The following COL6A3 variants were observed in gnomAD, a reference collection of about 807,000 sequenced individuals.
The protein encoded by COL6A3 is collagen type VI alpha 3 chain, also known as collagen alpha-3(VI) chain.
A neutral mutation model predicts 274.1 loss-of-function variants in COL6A3; 137 were observed. The ratio of observed to expected loss-of-function variants is 0.50; its 90% CI spans 0.44 to 0.58. The LOEUF (loss-of-function observed/expected upper bound fraction) is 0.58, where lower values mean the gene tolerates loss of function less well. COL6A3 is among the 20% of genes least tolerant of loss of function. The pLI is 0.00. For missense variants in COL6A3, 3,950 were observed against 4,124.9 expected (o/e 0.96, Z 1.16); for synonymous variants, 1,650 against 1,650.6 (o/e 1.00, Z 0.01).
intron 8 of COL6A3, among the ~76,000 whole-genome samples, chr2:237,372,929 A>T (rs2077731476): frequency 1.3e-5 from 2 of 152,198 alleles, no homozygotes. Flanking sequence ...GGAACTGCAG[A>T]TGGTGCCACT....
At chr2:237,400,211 T>G (rs2078555097) in intron 1 of COL6A3, among the ~76,000 whole-genome samples, 1 of 152,238 alleles carries the variant, frequency 6.6e-6, no homozygotes, top group Admixed American at 6.5e-5. Flanking sequence ...GTAAAGGCAT[T>G]CAGCATCAGT....
intron 1 of COL6A3, among the ~76,000 whole-genome samples, chr2:237,398,346 A>G (rs2078504534): frequency 6.6e-6 from 1 of 152,144 alleles, no homozygotes; most frequent in African/African-American, 2.4e-5. Context: ...GTTCACATTC[A>G]CTTCAGCTCA....
intron 1 of COL6A3, among the ~76,000 whole-genome samples, chr2:237,398,505 T>A (rs552293915): frequency 2.0e-5 from 3 of 152,096 alleles, no homozygotes; most frequent in Non-Finnish European, 2.9e-5. Context: ...AGAGCTAGGG[T>A]CTTTCTGTCT....
chr2:237,373,681 T>C (rs936241138), intron 8 of COL6A3, among the ~76,000 whole-genome samples: 2 of 152,048 alleles, frequency 1.3e-5, no homozygotes, highest in African/African-American at 4.8e-5. Context: ...CAAGGCCGCA[T>C]CTGCCTCCTT....
At position 237,337,560 on chromosome 2, in the gene COL6A3, T is replaced by C. The variant is rs113763442; in HGVS notation, c.8568-1028A>G. 3.7e-3 allele frequency among the ~76,000 whole-genome samples: 557 copies of C among 152,342 alleles called. 7 individuals carry two copies. Among genetic ancestry groups the C allele is most frequent in the African/African-American group, 0.013 (520 of 41,576 alleles). ...CTCTTTCCCCATCTTGAGAGTCAGC[T>C]AGTCGTAAGCCAGATAGTCATTTTT... is the stretch of plus-strand genomic sequence containing the variant. On this transcript the variant is annotated intron_variant, in intron 39 of 43. Transcript: ENST00000295550.
At chr2:237,346,466 C>T (rs754379137) in intron 32 of COL6A3, 37 bp downstream of exon 32, 1 of 1,596,750 alleles carries the variant, frequency 6.3e-7, no homozygotes, top group Non-Finnish European at 8.6e-7. Context: ...AAGCACCCAG[C>T]CCCAGGTGGC....
In COL6A3 at chr2:237,376,780, G is replaced by T; in HGVS notation, c.3062C>A (p.Pro1021Gln). The T allele has an allele frequency of 1.9e-6, 3 of 1,614,170 alleles. No homozygotes were observed. Among genetic ancestry groups the T allele is most frequent in the Non-Finnish European group, 2.5e-6 (3 of 1,180,012 alleles). The change falls in exon 7 of 44, where the codon CCA becomes CAA. Residue 1021 changes from proline (P) to glutamine (Q), a missense_variant. Physicochemically the swap from Pro to Gln is moderately conservative, Grantham distance 76. Transcript: ENST00000295550. ...NLLKSVHNGA[P>Q]APVSGEKDVV... ...GCATTTCTCTACCATACCTGGTGCTGGTGCTCCGTTGTGCACTGATTTTAA... is the reference window on the plus strand; with the variant it reads ...GCATTTCTCTACCATACCTGGTGCTTGTGCTCCGTTGTGCACTGATTTTAA...
Position 237,368,845 on chromosome 2 carries a change from C to A in COL6A3, c.4618G>T (p.Val1540Leu), listed in dbSNP as rs1408592071. Reference sequence around the variant, plus strand: ...AGGACCAGGACCAGGTGTTGGGGCACCCCGTCTTCTATGCGACTCCCCGCA... The same window carrying A: ...AGGACCAGGACCAGGTGTTGGGGCAACCCGTCTTCTATGCGACTCCCCGCA... Reference protein sequence around the residue: ...KSAGSRIEDGVPQHLVLVLGG... With the variant: ...KSAGSRIEDGLPQHLVLVLGG... Residue 1540 changes from valine (V) to leucine (L), a missense_variant, in exon 10 of 44, where the codon GTG becomes TTG. By Grantham distance (32) the Val-to-Leu change is conservative. Transcript: ENST00000295550. The surrounding 1 kb of genome is among the most constrained non-coding windows in gnomAD (Gnocchi z 4.4). 6.2e-7 allele frequency: 1 copy of A among 1,614,166 alleles called. No homozygotes were observed. Among genetic ancestry groups the A allele is most frequent in the South Asian group, 1.1e-5 (1 of 91,076 alleles).
chr2:237,397,268 A>G (rs557662655), intron 1 of COL6A3, among the ~76,000 whole-genome samples: 1 of 148,098 alleles, frequency 6.8e-6, no homozygotes, highest in East Asian at 2.0e-4. Context: ...GGAAGAAGTG[A>G]AAGAAGGGAA....
At chr2:237,339,610 T>C (rs1559198526) in intron 38 of COL6A3, among the ~76,000 whole-genome samples, 1 of 152,352 alleles carries the variant, frequency 6.6e-6, no homozygotes, top group East Asian at 1.9e-4. Context: ...TTCACAAATG[T>C]GAATACTGTT....
chr2:237,357,271 C>G, intron 23 of COL6A3, 67 bp downstream of exon 23: 1 of 1,356,542 alleles, frequency 7.4e-7, no homozygotes, highest in Non-Finnish European at 1.1e-6. Context: ...TGCACCAGGT[C>G]ATGTTGGGCA....
intron 16 of COL6A3, 21 bp from the exon 17 acceptor site, chr2:237,360,180 A>G: frequency 6.2e-7 from 1 of 1,613,666 alleles, no homozygotes; most frequent in Non-Finnish European, 8.5e-7. Flanking sequence ...AGACAAAGGC[A>G]TTTTGCAAGC....
chr2:237,343,994 G>A (rs2077046812), intron 36 of COL6A3: 13 of 377,454 alleles, frequency 3.4e-5, no homozygotes, highest in South Asian at 2.6e-4. Flanking sequence ...GGCCATCTTG[G>A]GAGGAGACAG....
intron 3 of COL6A3, among the ~76,000 whole-genome samples, chr2:237,393,983 A>G (rs1236293125): frequency 1.3e-5 from 2 of 152,216 alleles, no homozygotes; most frequent in Non-Finnish European, 2.9e-5. Context: ...GACCAGACCC[A>G]CAGCCCAAAT....
intron 1 of COL6A3, among the ~76,000 whole-genome samples, chr2:237,399,689 A>G (rs997852490): frequency 3.3e-5 from 5 of 152,222 alleles, no homozygotes; most frequent in African/African-American, 1.2e-4. Context: ...TTCCCCAAAC[A>G]CATTTCATGG....
chr2:237,358,625 C>T, intron 20 of COL6A3, 42 bp from the exon 21 acceptor site: 2 of 1,494,498 alleles, frequency 1.3e-6, no homozygotes, highest in Non-Finnish European at 1.9e-6. Flanking sequence ...CTAGATGTTT[C>T]CATTTTTATC....
rs376551239 is a variant in COL6A3 at position 237,374,737 on chromosome 2, G to A, written c.3354C>T (p.Asn1118=). Residue 1118 remains asparagine, a synonymous_variant, in exon 8 of 44, where the codon AAC becomes AAT. Coordinates refer to ENST00000295550, the MANE Select transcript of COL6A3 (RefSeq NM_004369.4). This position sits in a 1 kb window ranked among gnomAD's most constrained non-coding sequence, Gnocchi z 4.8. The part of the protein sequence containing the change: ...TGAALEFVLR[N]ILVSSAGSRI... The stretch of plus-strand genomic sequence containing the variant: ...TGCTTCCCGCAGAGCTGACCAGGAT[G>A]TTCCTCAGGACAAACTCCAGGGCGG... 6 of 1,613,522 alleles carry A rather than the reference G, an allele frequency of 3.7e-6. No homozygotes were observed. The highest frequency in any genetic ancestry group is 1.7e-4 in the Middle Eastern group (1 of 6,058).
chr2:237,342,192 G>A, intron 36 of COL6A3, 31 bp from the exon 37 acceptor site: 9 of 1,556,496 alleles, frequency 5.8e-6, no homozygotes, highest in Non-Finnish European at 8.0e-6. Flanking sequence ...ATTTTGGTAG[G>A]GGCGTACATG....
At chr2:237,349,694 GT>G (rs1247361945) in intron 28 of COL6A3, among the ~76,000 whole-genome samples, 1 of 152,180 alleles carries the variant, frequency 6.6e-6, no homozygotes, top group Non-Finnish European at 1.5e-5. Flanking sequence ...TAAAAAACGA[GT>G]TACTGAGGTA....
Sources: allele counts gnomAD v4.1 joint callset (sites outside exome capture counted in the v4.1 genomes callset), GRCh38; gene constraint gnomAD v4.1.1; non-coding constraint Gnocchi (gnomAD v3.1); transcripts MANE v1.5; gene names NCBI Gene and HGNC (gene_info 2026-07-23, HGNC 2026-07-21).